The following CAGE1 variants were observed in gnomAD, a reference collection of about 807,000 sequenced individuals.
The protein encoded by CAGE1 is cancer antigen 1.
Under a neutral mutation model 94.9 loss-of-function variants are expected in CAGE1, and 66 were observed. The observed-to-expected ratio is 0.70, with a 90% CI of 0.57 to 0.85. The LOEUF is 0.85. Among genes scored for constraint, CAGE1 ranks in the 40% least tolerant of loss-of-function variants. CAGE1 has a pLI of 0.00. For synonymous variants in CAGE1, 319 were observed against 321.0 expected, an observed-to-expected ratio of 0.99 and a Z score of 0.07; for missense variants, 865 against 950.4, an observed-to-expected ratio of 0.91 and a Z score of 1.18.
intron 9 of CAGE1, among the ~76,000 whole-genome samples, chr6:7,363,355 A>G (rs539684983): frequency 6.6e-6 from 1 of 152,346 alleles, no homozygotes; most frequent in South Asian, 2.1e-4. Flanking sequence ...AAAATCAACA[A>G]TAAAATTTCT....
At chr6:7,389,139 G>C (rs559263691) in intron 1 of CAGE1, 63 bp downstream of exon 1, 2 of 396,738 alleles carry the variant, frequency 5.0e-6, no homozygotes, top group Non-Finnish European at 1.0e-5. Context: ...AGGTGTCACG[G>C]GAGTTACTCG....
intron 12 of CAGE1, among the ~76,000 whole-genome samples, chr6:7,330,709 G>A (rs1316377261): frequency 2.6e-5 from 4 of 152,190 alleles, no homozygotes; most frequent in African/African-American, 7.2e-5. Context: ...GCTTCACAGA[G>A]GGTGGTGGCT....
chr6:7,335,955 T>TA (rs10717372), intron 11 of CAGE1, among the ~76,000 whole-genome samples: 192 of 152,158 alleles, frequency 1.3e-3, no homozygotes, highest in African/African-American at 3.6e-3. Context: ...GCAATTAATT[T>TA]AAAAAAAATG....
chr6:7,365,535 T>C lies in CAGE1; in HGVS notation c.2126A>G (p.Asp709Gly), dbSNP rs1488820771. 4 of 1,612,034 alleles carry C rather than the reference T, an allele frequency of 2.5e-6. No individual in the cohort carries two copies. In the African/African-American group the frequency reaches 4.0e-5, roughly 16 times the overall value. The change falls in exon 9 of 14, where the codon GAT becomes GGT. Residue 709 changes from aspartate to glycine, a missense_variant. By Grantham distance (94) the Asp-to-Gly change is moderately conservative. Coordinates refer to ENST00000502583, the MANE Select transcript of CAGE1 (RefSeq NM_001170692.2). ...TTTGGCTCCCAGAAGGGTAGGTACA[T>C]CTCTGATACTCTTGGCTTCATCTGA... ...CDSDEAKSIR[D>G]VPTLLGAKLD... is the part of the protein sequence containing the mutation.
At chr6:7,351,745 G>A (rs1254134117) in intron 11 of CAGE1, among the ~76,000 whole-genome samples, 1 of 152,022 alleles carries the variant, frequency 6.6e-6, no homozygotes, top group Non-Finnish European at 1.5e-5. Context: ...GTCAATAAAT[G>A]TGATACACTA....
chr6:7,342,203 C>T, intron 11 of CAGE1: 1 of 917,560 alleles, frequency 1.1e-6, no homozygotes, highest in Non-Finnish European at 1.8e-6. Flanking sequence ...CTGACATCAC[C>T]CCTAGAGTCC....
intron 12 of CAGE1, among the ~76,000 whole-genome samples, chr6:7,330,992 T>C (rs1758730146): frequency 6.6e-6 from 1 of 152,210 alleles, no homozygotes; most frequent in South Asian, 2.1e-4. Context: ...AGAAGATCCA[T>C]CTTCAGTATA....
chr6:7,370,998 T>C (rs1760520784), intron 5 of CAGE1, among the ~76,000 whole-genome samples: 1 of 152,196 alleles, frequency 6.6e-6, no homozygotes, highest in African/African-American at 2.4e-5. Flanking sequence ...ATAAGGAACT[T>C]AAAGAAAATT....
intron 5 of CAGE1, among the ~76,000 whole-genome samples, chr6:7,372,072 A>G (rs546145762): frequency 2.1e-4 from 32 of 152,206 alleles, no homozygotes; most frequent in Non-Finnish European, 3.4e-4. Context: ...AATGTATAAA[A>G]CTAGTATATG....
intron 11 of CAGE1, 118 bp downstream of exon 11, chr6:7,354,923 A>T (rs1289786106): frequency 2.9e-6 from 2 of 684,378 alleles, no homozygotes; most frequent in African/African-American, 1.8e-5. Flanking sequence ...GAATGAACTT[A>T]ATTAATAAAA....
At chr6:7,372,883 GC>G (rs2113451119) in intron 5 of CAGE1, among the ~76,000 whole-genome samples, 189 bp downstream of exon 5, 1 of 152,218 alleles carries the variant, frequency 6.6e-6, no homozygotes, top group South Asian at 2.1e-4. Flanking sequence ...TCACTATGTT[GC>G]CTAGGCTGGT....
chr6:7,385,309 C>CTTT (rs34599762), intron 3 of CAGE1, among the ~76,000 whole-genome samples: 3 of 147,586 alleles, frequency 2.0e-5, no homozygotes, highest in Non-Finnish European at 4.5e-5. Context: ...CTGGCCCCCG[C>CTTT]TTTTTTTTTT....
chr6:7,388,523 A>G (rs1416601078), intron 1 of CAGE1, among the ~76,000 whole-genome samples: 3 of 152,168 alleles, frequency 2.0e-5, no homozygotes, highest in African/African-American at 7.2e-5. Flanking sequence ...GAGCATACTT[A>G]GGGCTTTCCA....
chr6:7,327,780 A>G (rs1184294884), intron 13 of CAGE1, among the ~76,000 whole-genome samples: 1 of 151,932 alleles, frequency 6.6e-6, no homozygotes, highest in Admixed American at 6.6e-5. Flanking sequence ...AAAATACAAA[A>G]TTAGCTAGGC....
chr6:7,380,299 T>C (rs1277846208), intron 3 of CAGE1, among the ~76,000 whole-genome samples: 1 of 152,220 alleles, frequency 6.6e-6, no homozygotes, highest in Admixed American at 6.5e-5. Context: ...TATTGTTTTA[T>C]GTGCTTTTAT....
chr6:7,383,105 G>T (rs1006230116), intron 3 of CAGE1, among the ~76,000 whole-genome samples: 1 of 152,124 alleles, frequency 6.6e-6, no homozygotes, highest in African/African-American at 2.4e-5. Flanking sequence ...CACAAGATCT[G>T]ATGGTTTCAA....
chr6:7,387,616 C>T (rs769616328), intron 1 of CAGE1, among the ~76,000 whole-genome samples: 2 of 152,092 alleles, frequency 1.3e-5, no homozygotes, highest in Non-Finnish European at 2.9e-5. Flanking sequence ...TCCTATACTG[C>T]GCCTATTCCC....
intron 7 of CAGE1, among the ~76,000 whole-genome samples, chr6:7,367,604 TG>T (rs1259606607): frequency 6.6e-6 from 1 of 152,146 alleles, no homozygotes; most frequent in Non-Finnish European, 1.5e-5. Flanking sequence ...CAACCTCAGT[TG>T]GGCTTATTTT....
chr6:7,327,001 G>A lies in CAGE1; in HGVS notation c.2479-102C>T, dbSNP rs1272513889. 6.2e-6 allele frequency: 5 copies of A among 803,052 alleles called. No individual in the cohort carries two copies. In the African/African-American group the frequency reaches 6.8e-5, roughly 11 times the overall value. 49.7% of individuals were successfully genotyped at this position (803,052 alleles called of 1,614,324 possible). A position where few individuals can be genotyped will look rare whatever the true frequency, so the allele number is the denominator to read the frequency against. ...ATTTTTTATTACATATGGAAAAGGGGTGCAAAGTAAGCCTATAGATAGATG... is the reference window on the plus strand; with the variant it reads ...ATTTTTTATTACATATGGAAAAGGGATGCAAAGTAAGCCTATAGATAGATG... On this transcript the variant is annotated intron_variant, in intron 13 of 13. Transcript: ENST00000502583.
Sources: allele counts gnomAD v4.1 joint callset (sites outside exome capture counted in the v4.1 genomes callset), GRCh38; gene constraint gnomAD v4.1.1; transcripts MANE v1.5; gene names NCBI Gene and HGNC (gene_info 2026-07-23, HGNC 2026-07-21).